Variants in SYNCRIP observed in about 807,000 individuals in gnomAD.
The protein encoded by SYNCRIP is heterogeneous nuclear ribonucleoprotein Q.
In SYNCRIP, 9 loss-of-function variants were observed where a neutral mutation model predicts 68.9. The ratio of observed to expected loss-of-function variants is 0.13; its 90% CI spans 0.08 to 0.23. The LOEUF is 0.23. SYNCRIP is among the 10% of genes least tolerant of loss of function. The pLI, the probability that SYNCRIP is intolerant of heterozygous loss-of-function variation, is 1.00. For missense variants in SYNCRIP, 414 were observed against 770.6 expected (o/e 0.54, Z 5.48); for synonymous variants, 258 against 254.0 (o/e 1.02, Z -0.15).
downstream of SYNCRIP, chr6:85,611,153 T>C (rs551882662): frequency 4.6e-5 from 7 of 152,202 alleles, no homozygotes; most frequent in African/African-American, 7.2e-5. Flanking sequence ...ATACAGGCTA[T>C]TGGCAACCAC....
intron 8 of SYNCRIP, 85 bp from the exon 9 acceptor site, chr6:85,619,502 C>G (rs1806149185): frequency 5.0e-6 from 6 of 1,198,968 alleles, no homozygotes; most frequent in Admixed American, 2.9e-5. Context: ...AAAGTTAACT[C>G]AAATCACAAT....
chr6:85,638,926 G>T (rs1420785131), intron 4 of SYNCRIP, among the ~76,000 whole-genome samples: 1 of 152,086 alleles, frequency 6.6e-6, no homozygotes, highest in African/African-American at 2.4e-5. Flanking sequence ...GAAACTGTAA[G>T]CAGCCAGGCA....
At chr6:85,622,301 G>A (rs575691788) in intron 8 of SYNCRIP, among the ~76,000 whole-genome samples, 181 bp downstream of exon 8, 3 of 152,214 alleles carry the variant, frequency 2.0e-5, no homozygotes, top group Middle Eastern at 3.4e-3. Flanking sequence ...CCCGGGAGGC[G>A]GAGGTTGCAG....
At chr6:85,623,579 A>AAAAAAAAAAACAAAAAAAAAAAAC (rs1554184894) in intron 7 of SYNCRIP, among the ~76,000 whole-genome samples, 104 of 125,854 alleles carry the variant, frequency 8.3e-4, no homozygotes, top group East Asian at 1.7e-3. Flanking sequence ...AAAAAAAAAA[A>AAAAAAAAAAACAAAAAAAAAAAAC]AAAACACTCT....
chr6:85,636,896 C>T, intron 6 of SYNCRIP, 71 bp downstream of exon 6: 1 of 1,433,128 alleles, frequency 7.0e-7, no homozygotes, highest in East Asian at 2.3e-5. Context: ...AACTCTTAGG[C>T]ACACTAAGAA....
intron 10 of SYNCRIP, 34 bp downstream of exon 10, chr6:85,618,784 T>G (rs746875771): frequency 2.0e-6 from 3 of 1,522,824 alleles, no homozygotes; most frequent in Admixed American, 2.0e-5. Flanking sequence ...ATATTAAAAT[T>G]TATACAATTT....
chr6:85,626,952 C>T (rs1807106094), intron 6 of SYNCRIP, among the ~76,000 whole-genome samples: 1 of 152,108 alleles, frequency 6.6e-6, no homozygotes, highest in Non-Finnish European at 1.5e-5. Context: ...GCTGATTCCT[C>T]CCTACCCACA....
At chr6:85,613,032 T>A, downstream of SYNCRIP, 1 of 1,312,908 alleles carries the variant, frequency 7.6e-7, no homozygotes, top group Non-Finnish European at 1.0e-6. Context: ...TAATTCTAAA[T>A]ATACTGTCTA....
chr6:85,642,052 TC>T (rs1005976239), intron 1 of SYNCRIP, among the ~76,000 whole-genome samples: 2 of 152,122 alleles, frequency 1.3e-5, no homozygotes, highest in Admixed American at 1.3e-4. Context: ...TCCTACAACT[TC>T]CTTCAACGGC....
chr6:85,623,571 A>AC lies in SYNCRIP; in HGVS notation c.802+405_802+406insG, dbSNP rs1354122072. Among the ~76,000 whole-genome samples, 628 of 147,956 alleles carry AC rather than the reference A, an allele frequency of 4.2e-3. 17 individuals carry two copies. The highest frequency in any genetic ancestry group is 6.6e-3 in the Non-Finnish European group (448 of 67,618). ...AAAGCAAGACTGTCTCCAAAAAAAA[A>AC]AAAAAAAAAAAACACTCTGCTACGG... On this transcript the variant is annotated intron_variant, in intron 7 of 10. Coordinates refer to ENST00000369622, the MANE Select transcript of SYNCRIP (RefSeq NM_006372.5).
intron 2 of SYNCRIP, 131 bp from the exon 3 acceptor site, chr6:85,640,695 A>C (rs1332763729): frequency 9.0e-6 from 5 of 556,090 alleles, no homozygotes; most frequent in Non-Finnish European, 1.6e-5. Context: ...CTGAAAAAAA[A>C]AAAACACACA....
At chr6:85,619,060 T>G in intron 9 of SYNCRIP, 121 bp from the exon 10 acceptor site, 2 of 1,191,020 alleles carry the variant, frequency 1.7e-6, no homozygotes, top group South Asian at 2.8e-5. Flanking sequence ...ATGCAGGCAG[T>G]CAAATAATTT....
intron 8 of SYNCRIP, among the ~76,000 whole-genome samples, chr6:85,620,967 A>G (rs2128283620): frequency 6.6e-6 from 1 of 152,336 alleles, no homozygotes; most frequent in South Asian, 2.1e-4. Context: ...ACTAATTAGG[A>G]CCTGCTTTTG....
chr6:85,623,839 G>A, intron 7 of SYNCRIP, 138 bp downstream of exon 7: 1 of 1,018,798 alleles, frequency 9.8e-7, no homozygotes, highest in East Asian at 2.6e-5. Context: ...TGAAAAATGG[G>A]GTTACCTACA....
In SYNCRIP at chr6:85,615,074, G is replaced by A. The variant is rs149887697; in HGVS notation, c.1554C>T (p.Arg518=). ...CTCTCTGTGAATAACCGGCTCTACC[G>A]CGGGGAGGAGCAGCCCCACGACCTC... ...PSRGRGAAPP[R]GRAGYSQRGG... Residue 518 remains arginine, a synonymous_variant, in exon 11 of 11, where the codon CGC becomes CGT. Coordinates refer to ENST00000369622, the MANE Select transcript of SYNCRIP (RefSeq NM_006372.5). 1.1e-3 allele frequency: 1,796 copies of A among 1,613,446 alleles called. 1 individual carries two copies. The highest frequency in any genetic ancestry group is 1.1e-3 in the Non-Finnish European group (1,277 of 1,179,982).
At chr6:85,608,138 T>A (rs1259378713), downstream of SYNCRIP, 1 of 152,098 alleles carries the variant, frequency 6.6e-6, no homozygotes, top group African/African-American at 2.4e-5. Context: ...ATTCTATTCA[T>A]CTTCCAGTAA....
In SYNCRIP at chr6:85,614,270, G is replaced by A; in HGVS notation, c.*486C>T. The A allele has an allele frequency of 3.0e-6, 3 of 985,454 alleles. No homozygotes were observed. Among genetic ancestry groups the A allele is most frequent in the Non-Finnish European group, 3.6e-6 (3 of 829,550 alleles). 61.0% of individuals were successfully genotyped at this position (985,454 alleles called of 1,614,324 possible). A position where few individuals can be genotyped will look rare whatever the true frequency, so the allele number is the denominator to read the frequency against. On this transcript the variant is annotated 3_prime_UTR_variant, in exon 11 of 11. Coordinates refer to ENST00000369622, the MANE Select transcript of SYNCRIP (RefSeq NM_006372.5). ...AACAACAGCATAAAGAATACAAGTAGCCAAAATGGTTTTGAAAACCCAAAT... is the reference window on the plus strand; with the variant it reads ...AACAACAGCATAAAGAATACAAGTAACCAAAATGGTTTTGAAAACCCAAAT...
intron 6 of SYNCRIP, among the ~76,000 whole-genome samples, chr6:85,628,690 G>A (rs971855874): frequency 6.6e-6 from 1 of 152,128 alleles, no homozygotes; most frequent in Non-Finnish European, 1.5e-5. Context: ...TGTTACCCTA[G>A]GTTATTTGGC....
At chr6:85,621,348 T>C (rs1215895506) in intron 8 of SYNCRIP, among the ~76,000 whole-genome samples, 1 of 152,168 alleles carries the variant, frequency 6.6e-6, no homozygotes. Flanking sequence ...GCATGGTGGC[T>C]CATGCCTGTA....
Sources: gnomAD v4.1 joint callset for allele counts (sites outside exome capture counted in the v4.1 genomes callset) on GRCh38, gnomAD v4.1.1 for gene constraint, MANE v1.5 for transcripts, NCBI Gene and HGNC (gene_info 2026-07-23, HGNC 2026-07-21) for gene names.